The following ENAH variants were observed in gnomAD, a reference collection of about 807,000 sequenced individuals.
ENAH encodes ENAH actin regulator, also known as protein enabled homolog.
ENAH carries 23 observed loss-of-function variants against 78.7 expected under a neutral mutation model. The ratio of observed to expected loss-of-function variants is 0.29; its 90% CI spans 0.21 to 0.41. The LOEUF is 0.41. Ranked by LOEUF, ENAH falls within the 10% of genes least tolerant of loss-of-function variation. The pLI, the probability that ENAH is intolerant of heterozygous loss-of-function variation, is 1.00. For synonymous variants in ENAH, 226 were observed against 241.0 expected, an observed-to-expected ratio of 0.94 and a Z score of 0.58; for missense variants, 544 against 691.0, an observed-to-expected ratio of 0.79 and a Z score of 2.39.
intron 11 of ENAH, chr1:225,501,302 GT>G (rs1321458126): frequency 2.3e-6 from 1 of 441,592 alleles, no homozygotes; most frequent in Non-Finnish European, 4.0e-6. Context: ...TGACAAGATG[GT>G]GAGACTTCTT....
rs1027726185 is a variant in ENAH, at chr1:225,653,055, C to CCCGCGCTCG, written c.-374_-366dup. Reference sequence around the variant, plus strand: ...GCGCGCCCGGCCGCCGCTCCACAGGCCCGCGCTCGCCGCGCCGCCGCCGAG... The same window carrying CCCGCGCTCG: ...GCGCGCCCGGCCGCCGCTCCACAGGCCCGCGCTCGCCGCGCTCGCCGCGCCGCCGCCGAG... On this transcript the variant is annotated 5_prime_UTR_variant, in exon 1 of 14. Transcript: ENST00000366843. This position sits in a 1 kb window ranked among gnomAD's most constrained non-coding sequence, Gnocchi z 4.3. The CCCGCGCTCG allele has an allele frequency of 1.2e-5, 2 of 163,854 alleles. No homozygotes were observed. The highest frequency in any genetic ancestry group is 4.8e-5 in the African/African-American group (2 of 41,650). 10.2% of individuals were successfully genotyped at this position (163,854 alleles called of 1,614,324 possible). A position where few individuals can be genotyped will look rare whatever the true frequency, so the allele number is the denominator to read the frequency against.
rs185012446 is a variant in ENAH at position 225,507,768 on chromosome 1, C to G, written c.1538+183G>C. 4.4e-3 allele frequency among the ~76,000 whole-genome samples: 668 copies of G among 152,176 alleles called. 2 individuals are homozygous for G. The highest frequency in any genetic ancestry group is 7.2e-3 in the Non-Finnish European group (491 of 67,954). ...TAAATGTAGGGTAGAATTTATCAATCACTAGTAATGTAGATGAGTAATATA... is the reference window on the plus strand; with the variant it reads ...TAAATGTAGGGTAGAATTTATCAATGACTAGTAATGTAGATGAGTAATATA... On this transcript the variant is annotated intron_variant, in intron 11 of 13. Transcript: ENST00000366843.
intron 1 of ENAH, among the ~76,000 whole-genome samples, chr1:225,593,463 T>C (rs16845098): frequency 0.21 from 29,176 of 137,386 alleles, 4,002 homozygotes; most frequent in East Asian, 0.38. Context: ...AAAGAGTCTT[T>C]GTGACAAGAG....
At chr1:225,562,527 G>A (rs1162610691) in intron 2 of ENAH, among the ~76,000 whole-genome samples, 4 of 119,570 alleles carry the variant, frequency 3.3e-5, no homozygotes, top group African/African-American at 6.6e-5. Context: ...AGCTGAGATC[G>A]AGCCACTGCA....
chr1:225,589,102 G>GA (rs949248385), intron 1 of ENAH, among the ~76,000 whole-genome samples: 4 of 151,750 alleles, frequency 2.6e-5, no homozygotes, highest in Admixed American at 1.3e-4. Context: ...TCTGGAACAG[G>GA]AAAAAAAAGC....
intron 3 of ENAH, among the ~76,000 whole-genome samples, chr1:225,541,709 G>A (rs911959352): frequency 2.0e-5 from 3 of 152,008 alleles, no homozygotes; most frequent in South Asian, 2.1e-4. Context: ...TGGAATTTTC[G>A]GTATTTTTAT....
At chr1:225,628,653 G>A (rs933500228) in intron 1 of ENAH, among the ~76,000 whole-genome samples, 3 of 152,068 alleles carry the variant, frequency 2.0e-5, no homozygotes, top group Non-Finnish European at 4.4e-5. Flanking sequence ...GCTCACGCCT[G>A]GAATCCCAGC....
In ENAH at chr1:225,512,977, C is replaced by G; in HGVS notation, c.1258G>C (p.Gly420Arg). The G allele has an allele frequency of 6.2e-7, 1 of 1,613,618 alleles. No homozygotes were observed. The highest frequency in any genetic ancestry group is 8.5e-7 in the Non-Finnish European group (1 of 1,179,754). ...TSFPSGGNAI[G>R]VNSASSKTDT... ...GTTTTAGATGAGGCGGAGTTCACAC[C>G]AATAGCATTCCCTCCACTTGGGAAA... The change falls in exon 8 of 14, where the codon GGT (glycine) becomes CGT (arginine). Residue 420 changes from glycine (G) to arginine (R), a missense_variant. Transcript: ENST00000366843.
chr1:225,651,774 G>T (rs535072297), intron 1 of ENAH, among the ~76,000 whole-genome samples: 2 of 152,214 alleles, frequency 1.3e-5, no homozygotes, highest in East Asian at 3.9e-4. Flanking sequence ...ACACAGAACA[G>T]GTTTAGGAAA....
chr1:225,591,228 G>T (rs999721212), intron 1 of ENAH, among the ~76,000 whole-genome samples: 1 of 152,184 alleles, frequency 6.6e-6, no homozygotes, highest in African/African-American at 2.4e-5. Context: ...CAGCCCTTTG[G>T]GAGGCCAAGG....
At chr1:225,511,541 T>A (rs2151109742) in intron 10 of ENAH, among the ~76,000 whole-genome samples, 1 of 152,376 alleles carries the variant, frequency 6.6e-6, no homozygotes, top group African/African-American at 2.4e-5. Context: ...CATGCTCACT[T>A]TATTTTTACC....
At chr1:225,512,102 TAC>T (rs2096381468) in intron 9 of ENAH, among the ~76,000 whole-genome samples, 1 of 152,158 alleles carries the variant, frequency 6.6e-6, no homozygotes, top group Non-Finnish European at 1.5e-5. Context: ...TAGCCAATGC[TAC>T]AAAGCCAGAC....
chr1:225,517,184 T>C lies in ENAH; in HGVS notation c.913+12A>G. The C allele has an allele frequency of 1.3e-6, 2 of 1,494,576 alleles. No homozygotes were observed. The highest frequency in any genetic ancestry group is 1.8e-6 in the Non-Finnish European group (2 of 1,120,778). 92.6% of individuals were successfully genotyped at this position (1,494,576 alleles called of 1,614,324 possible). On this transcript the variant is annotated intron_variant, in intron 6 of 13. Transcript: ENST00000366843. ...AGTGATTAGCTGTTAGTAGCAATAA[T>C]GAAAGCCTTACCCTGTTGGGATGGA...
At chr1:225,620,732 C>T (rs966253829) in intron 1 of ENAH, among the ~76,000 whole-genome samples, 19 of 152,058 alleles carry the variant, frequency 1.2e-4, no homozygotes, top group African/African-American at 4.3e-4. Context: ...GGGCCGGGTG[C>T]AGTGGCTCAC....
intron 1 of ENAH, among the ~76,000 whole-genome samples, chr1:225,627,826 G>A (rs1658229149): frequency 6.6e-6 from 1 of 152,168 alleles, no homozygotes; most frequent in Non-Finnish European, 1.5e-5. Flanking sequence ...CCCAGTGGTG[G>A]AGTGGAGAAG....
intron 1 of ENAH, chr1:225,652,405 G>A: frequency 3.0e-6 from 3 of 985,374 alleles, no homozygotes; most frequent in Non-Finnish European, 3.6e-6. Flanking sequence ...GAGGGAGCCA[G>A]GCGCAAATTA....
At chr1:225,500,936 A>T in intron 12 of ENAH, 56 bp downstream of exon 12, 1 of 1,489,022 alleles carries the variant, frequency 6.7e-7, no homozygotes, top group South Asian at 1.1e-5. Context: ...TGCATATGGG[A>T]TATTTTTTAA....
chr1:225,652,556 G>A, intron 1 of ENAH, 130 bp downstream of exon 1: 3 of 1,063,502 alleles, frequency 2.8e-6, no homozygotes, highest in Non-Finnish European at 3.6e-6. Context: ...AGGCGGAGGG[G>A]GGAGGAACAG....
intron 5 of ENAH, chr1:225,517,918 G>A: frequency 2.6e-6 from 4 of 1,550,782 alleles, no homozygotes; most frequent in Non-Finnish European, 2.6e-6. Context: ...TGATGGAGGA[G>A]GTGCTGAAGG....
Sources: allele counts gnomAD v4.1 joint callset (sites outside exome capture counted in the v4.1 genomes callset), GRCh38; gene constraint gnomAD v4.1.1; non-coding constraint Gnocchi (gnomAD v3.1); transcripts MANE v1.5; gene names NCBI Gene and HGNC (gene_info 2026-07-23, HGNC 2026-07-21).